Variants in UGT1A4 observed in about 807,000 individuals in gnomAD.
UGT1A4 encodes the protein UDP-glucuronosyltransferase 1A4.
UGT1A4 carries 32 observed loss-of-function variants against 41.1 expected under a neutral mutation model. The ratio of observed to expected loss-of-function variants is 0.78; its 90% confidence interval spans 0.59 to 1.05. The LOEUF (loss-of-function observed/expected upper bound fraction) is 1.05. UGT1A4 is among the 50% of genes least tolerant of loss of function. The pLI, the probability that UGT1A4 is intolerant of heterozygous loss-of-function variation, is 0.00. For missense variants in UGT1A4, 748 were observed against 677.4 expected (o/e 1.10, Z -1.16); for synonymous variants, 283 against 265.1 (o/e 1.07, Z -0.66).
intron 1 of UGT1A4, among the ~76,000 whole-genome samples, chr2:233,724,320 G>A (rs1387925983): frequency 4.7e-5 from 7 of 147,896 alleles, no homozygotes; most frequent in East Asian, 4.4e-4. Context: ...GGACGGGGCG[G>A]CTGGCCAGGC....
chr2:233,719,424 T>A lies in UGT1A4; in HGVS notation c.604T>A (p.Ser202Thr), dbSNP rs1477800386. Reference sequence around the variant, plus strand: ...TATTCCTAAGTTACTAACGACCAATTCAGACCACATGACATTCCTGCAAAG... The same window carrying A: ...TATTCCTAAGTTACTAACGACCAATACAGACCACATGACATTCCTGCAAAG... ...SYIPKLLTTN[S>T]DHMTFLQRVK... The change falls in exon 1 of 5, where the codon TCA (serine) becomes ACA (threonine). Residue 202 changes from serine to threonine, a missense_variant. Ser to Thr is a moderately conservative substitution (Grantham distance 58, BLOSUM62 1). Transcript: ENST00000373409. The A allele has an allele frequency of 6.8e-6, 11 of 1,613,828 alleles. No homozygotes were observed. The highest frequency in any genetic ancestry group is 9.3e-6 in the Non-Finnish European group (11 of 1,179,874).
At chr2:233,763,992 G>T (rs1053097795) in intron 1 of UGT1A4, among the ~76,000 whole-genome samples, 85 of 152,324 alleles carry the variant, frequency 5.6e-4, no homozygotes, top group Non-Finnish European at 2.2e-4. Flanking sequence ...AATGCGTGAT[G>T]GTGAAGTCAC....
intron 1 of UGT1A4, among the ~76,000 whole-genome samples, chr2:233,758,359 C>A (rs1696853264): frequency 6.6e-6 from 1 of 152,198 alleles, no homozygotes; most frequent in Non-Finnish European, 1.5e-5. Flanking sequence ...GCAGGAAAGT[C>A]ATAAAATCAT....
chr2:233,756,867 A>G (rs1696345669), intron 1 of UGT1A4, among the ~76,000 whole-genome samples: 1 of 152,076 alleles, frequency 6.6e-6, no homozygotes, highest in African/African-American at 2.4e-5. Flanking sequence ...CATAAAGGGT[A>G]TTAGGTGTAA....
chr2:233,728,016 G>A (rs912712884), intron 1 of UGT1A4, among the ~76,000 whole-genome samples: 1 of 152,236 alleles, frequency 6.6e-6, no homozygotes, highest in African/African-American at 2.4e-5. Flanking sequence ...GCACATGTGG[G>A]AGTGACTTTC....
At chr2:233,747,871 T>G (rs12466997) in intron 1 of UGT1A4, 2 of 1,613,304 alleles carry the variant, frequency 1.2e-6, no homozygotes, top group Non-Finnish European at 1.7e-6. Flanking sequence ...CCTCTGGCCC[T>G]GTCCTACCTT....
intron 1 of UGT1A4, chr2:233,743,112 A>G (rs1313139997): frequency 1.1e-5 from 4 of 354,674 alleles, no homozygotes; most frequent in Non-Finnish European, 1.7e-5. Flanking sequence ...GCTGTTCTGA[A>G]AGTAAAGTTC....
At chr2:233,750,117 G>T (rs1441169579) in intron 1 of UGT1A4, among the ~76,000 whole-genome samples, 2 of 151,904 alleles carry the variant, frequency 1.3e-5, no homozygotes, top group East Asian at 1.9e-4. Flanking sequence ...AAGACAGGAA[G>T]ATGTGGGAAA....
chr2:233,772,269 G>C lies in UGT1A4; in HGVS notation c.1315G>C (p.Glu439Gln), dbSNP rs868814380. The C allele has an allele frequency of 1.2e-6, 2 of 1,614,106 alleles. No homozygotes were observed. The highest frequency in any genetic ancestry group is 1.7e-6 in the Non-Finnish European group (2 of 1,180,050). Residue 439 changes from glutamate to glutamine, a missense_variant, in exon 5 of 5, where the codon GAG becomes CAG. Transcript: ENST00000373409. ...AACTGTCTTTGTGTTTAGTTACAAG[G>C]AGAACATCATGCGCCTCTCCAGCCT... The part of the protein sequence containing the change: ...KAVINDKSYK[E>Q]NIMRLSSLHK...
chr2:233,730,949 G>A (rs1036759717), intron 1 of UGT1A4, among the ~76,000 whole-genome samples: 16 of 152,150 alleles, frequency 1.1e-4, no homozygotes, highest in African/African-American at 1.4e-4. Flanking sequence ...TTTGGGTTTC[G>A]TTGAAATGGT....
At chr2:233,724,346 C>A (rs1441595042) in intron 1 of UGT1A4, among the ~76,000 whole-genome samples, 1 of 148,192 alleles carries the variant, frequency 6.7e-6, no homozygotes, top group East Asian at 2.1e-4. Flanking sequence ...GCTGACCCCC[C>A]CCACCTCCCT....
intron 1 of UGT1A4, among the ~76,000 whole-genome samples, chr2:233,749,970 G>A (rs373320687): frequency 6.6e-6 from 1 of 151,884 alleles, no homozygotes; most frequent in Non-Finnish European, 1.5e-5. Context: ...TGTCTTTATA[G>A]CAGTGTGAGA....
At position 233,767,903 on chromosome 2, in the gene UGT1A4, C is replaced by G. The variant is rs549391527; in HGVS notation, c.1054C>G (p.Leu352Val). 1.2e-6 allele frequency: 2 copies of G among 1,614,060 alleles called. No homozygotes were observed. Among genetic ancestry groups the G allele is most frequent in the African/African-American group, 1.3e-5 (1 of 74,904 alleles). ...RPSNLANNTILVKWLPQNDLL... is the reference protein window; with the variant it reads ...RPSNLANNTIVVKWLPQNDLL... ...ATCGAATCTTGCGAACAACACGATA[C>G]TTGTTAAGTGGCTACCCCAAAACGA... The change falls in exon 3 of 5, where the codon CTT becomes GTT. Residue 352 changes from leucine to valine, a missense_variant. By Grantham distance (32) the Leu-to-Val change is conservative. Coordinates refer to ENST00000373409, the MANE Select transcript of UGT1A4 (RefSeq NM_007120.3).
At chr2:233,731,770 T>C (rs1223640583) in intron 1 of UGT1A4, among the ~76,000 whole-genome samples, 2 of 152,114 alleles carry the variant, frequency 1.3e-5, no homozygotes, top group Non-Finnish European at 2.9e-5. Context: ...CTTAGAGTAG[T>C]ATCATTTATA....
chr2:233,727,325 G>A (rs180717488), intron 1 of UGT1A4, among the ~76,000 whole-genome samples: 2 of 152,224 alleles, frequency 1.3e-5, no homozygotes, highest in Non-Finnish European at 1.5e-5. Flanking sequence ...CAGGCACCAG[G>A]AGCTCCTCCC....
intron 1 of UGT1A4, among the ~76,000 whole-genome samples, chr2:233,734,275 T>G (rs2078506327): frequency 6.6e-6 from 1 of 152,188 alleles, no homozygotes; most frequent in Non-Finnish European, 1.5e-5. Context: ...GTCCAGGAAT[T>G]TATCCATTTC....
chr2:233,772,878 G>A lies in UGT1A4; in HGVS notation c.*319G>A. ...GAAACATGGCCTGTTTGGGAGTGCG[G>A]GATTCAAAGGTGGTCCCACGGCTGC... is the stretch of plus-strand genomic sequence containing the variant. On this transcript the variant is annotated 3_prime_UTR_variant, in exon 5 of 5. Coordinates refer to ENST00000373409, the MANE Select transcript of UGT1A4 (RefSeq NM_007120.3). 1 of 577,674 alleles carries A rather than the reference G, an allele frequency of 1.7e-6. No individual in the cohort carries two copies. 35.8% of individuals were successfully genotyped at this position (577,674 alleles called of 1,614,324 possible). A position where few individuals can be genotyped will look rare whatever the true frequency, so the allele number is the denominator to read the frequency against.
Position 233,719,003 on chromosome 2 carries a change from C to T in UGT1A4, c.183C>T (p.Leu61=). Residue 61 remains leucine (L), a synonymous_variant, in exon 1 of 5, where the codon CTC becomes CTT. Coordinates refer to ENST00000373409, the MANE Select transcript of UGT1A4 (RefSeq NM_007120.3). ...LHARGHQAVV[L]TPEVNMHIKE... is the part of the protein sequence containing the mutation. Reference sequence around the variant, plus strand: ...CCAGAGGCCACCAGGCGGTGGTCCTCACCCCAGAGGTGAATATGCACATCA... The same window carrying T: ...CCAGAGGCCACCAGGCGGTGGTCCTTACCCCAGAGGTGAATATGCACATCA... 6.2e-7 allele frequency: 1 copy of T among 1,614,256 alleles called. No individual in the cohort carries two copies. The highest frequency in any genetic ancestry group is 1.7e-5 in the Admixed American group (1 of 60,036).
Position 233,744,054 on chromosome 2 carries a change from T to C in UGT1A4, c.868-22980T>C, listed in dbSNP as rs150741507. ...TTATGACGCAGCCACATCTCATTGG[T>C]CGAGGCCTATGAGCGCCTCGCATCC... On this transcript the variant is annotated intron_variant, in intron 1 of 4. Transcript: ENST00000373409. The C allele has an allele frequency of 5.9e-3, 3,770 of 635,096 alleles. 152 individuals carry two copies. In the East Asian group the frequency reaches 0.082, roughly 14 times the overall value. 39.3% of individuals were successfully genotyped at this position (635,096 alleles called of 1,614,324 possible).
Sources: allele counts gnomAD v4.1 joint callset (sites outside exome capture counted in the v4.1 genomes callset), GRCh38; gene constraint gnomAD v4.1.1; transcripts MANE v1.5; gene names NCBI Gene and HGNC (gene_info 2026-07-23, HGNC 2026-07-21).